ELOVL6: variants seen among roughly 807,000 people sequenced by gnomAD.
ELOVL6 encodes very long chain fatty acid elongase 6.
In ELOVL6, 8 loss-of-function variants were observed where a neutral mutation model predicts 31.7. The observed-to-expected ratio is 0.25, with a 90% CI of 0.15 to 0.45. The LOEUF (loss-of-function observed/expected upper bound fraction) is 0.45. Among genes scored for constraint, ELOVL6 ranks in the 20% least tolerant of loss-of-function variants. The pLI, the probability that ELOVL6 is intolerant of heterozygous loss-of-function variation, is 1.00. For synonymous variants in ELOVL6, 101 were observed against 117.7 expected (o/e 0.86, Z 0.92); for missense variants, 126 against 326.4 (o/e 0.39, Z 4.73).
intron 2 of ELOVL6, among the ~76,000 whole-genome samples, chr4:110,090,692 C>T (rs976386306): frequency 7.0e-6 from 1 of 142,710 alleles, no homozygotes; most frequent in Non-Finnish European, 1.5e-5. Context: ...GAAACCTCCG[C>T]CACCTGGGTT....
At chr4:110,075,432 C>G (rs1172115015) in intron 2 of ELOVL6, among the ~76,000 whole-genome samples, 1 of 152,026 alleles carries the variant, frequency 6.6e-6, no homozygotes, top group Admixed American at 6.6e-5. Flanking sequence ...TATTACTAAG[C>G]CTTGAAAAGA....
chr4:110,181,972 G>A (rs1722062548), intron 1 of ELOVL6, among the ~76,000 whole-genome samples: 1 of 152,194 alleles, frequency 6.6e-6, no homozygotes. Flanking sequence ...CAGTACTACT[G>A]AAGATATTTG....
chr4:110,139,876 C>G (rs183862282), intron 1 of ELOVL6, among the ~76,000 whole-genome samples: 1 of 152,148 alleles, frequency 6.6e-6, no homozygotes, highest in Non-Finnish European at 1.5e-5. Flanking sequence ...GTTTAAGGTG[C>G]GCTTGTCCTA....
chr4:110,112,790 C>T (rs573873543), intron 1 of ELOVL6, among the ~76,000 whole-genome samples: 1 of 152,182 alleles, frequency 6.6e-6, no homozygotes, highest in Non-Finnish European at 1.5e-5. Context: ...AGGAGAATCT[C>T]TTGAACCTGG....
At chr4:110,196,483 G>A (rs569238443) in intron 1 of ELOVL6, among the ~76,000 whole-genome samples, 2 of 152,312 alleles carry the variant, frequency 1.3e-5, no homozygotes, top group South Asian at 4.1e-4. Context: ...ATCCAGAGAA[G>A]GACCCCGGGC....
chr4:110,119,594 A>T (rs1312223063), intron 1 of ELOVL6, among the ~76,000 whole-genome samples: 2 of 152,196 alleles, frequency 1.3e-5, no homozygotes, highest in Non-Finnish European at 2.9e-5. Context: ...CTGGTTTAGG[A>T]GTCCTTTATC....
chr4:110,089,698 TGA>T (rs150416993), intron 2 of ELOVL6, among the ~76,000 whole-genome samples: 15,489 of 152,196 alleles, frequency 0.1, 910 homozygotes, highest in East Asian at 0.18. Context: ...CCTTGCCCAA[TGA>T]GAGCTTATGG....
At chr4:110,189,613 A>AAAAAG (rs1553963363) in intron 1 of ELOVL6, among the ~76,000 whole-genome samples, 3 of 105,264 alleles carry the variant, frequency 2.8e-5, no homozygotes, top group African/African-American at 7.0e-5. Context: ...AAAAAAAAAA[A>AAAAAG]AGAGAGAGAG....
At chr4:110,182,282 A>T (rs1012232286) in intron 1 of ELOVL6, among the ~76,000 whole-genome samples, 1 of 152,186 alleles carries the variant, frequency 6.6e-6, no homozygotes, top group South Asian at 2.1e-4. Flanking sequence ...TTGAAGAAGG[A>T]GAAACAAGTT....
At chr4:110,056,122 T>TG (rs145744279) in intron 3 of ELOVL6, among the ~76,000 whole-genome samples, 18,648 of 122,776 alleles carry the variant, frequency 0.15, 1,735 homozygotes, top group African/African-American at 0.31. Context: ...TTGTGGGAGC[T>TG]GGGGGGGGGG....
chr4:110,126,657 T>C (rs542913719), intron 1 of ELOVL6, among the ~76,000 whole-genome samples: 27 of 152,310 alleles, frequency 1.8e-4, no homozygotes, highest in African/African-American at 5.1e-4. Context: ...TTTCTCAAAA[T>C]GGTTCACTGA....
intron 2 of ELOVL6, among the ~76,000 whole-genome samples, chr4:110,084,215 TA>T: frequency 1.2e-5 from 1 of 81,538 alleles, no homozygotes; most frequent in South Asian, 4.1e-4. Flanking sequence ...ATATAACATA[TA>T]ACTTATATGA....
At chr4:110,121,280 A>G (rs1400355620) in intron 1 of ELOVL6, among the ~76,000 whole-genome samples, 1 of 152,236 alleles carries the variant, frequency 6.6e-6, no homozygotes, top group African/African-American at 2.4e-5. Context: ...ATAAATGTGT[A>G]TCTGGGCAAT....
At chr4:110,110,719 T>C (rs886958904) in intron 1 of ELOVL6, among the ~76,000 whole-genome samples, 5 of 152,122 alleles carry the variant, frequency 3.3e-5, no homozygotes, top group African/African-American at 1.2e-4. Context: ...CGTAAGTAAA[T>C]TAACCATATG....
chr4:110,151,459 C>T (rs963060005), intron 1 of ELOVL6, among the ~76,000 whole-genome samples: 6 of 152,058 alleles, frequency 3.9e-5, no homozygotes, highest in Non-Finnish European at 7.4e-5. Flanking sequence ...CAAAAAGTTT[C>T]GGAGTTGAAG....
At chr4:110,119,083 T>A (rs79825963) in intron 1 of ELOVL6, among the ~76,000 whole-genome samples, 7,580 of 152,096 alleles carry the variant, frequency 0.05, 218 homozygotes, top group Non-Finnish European at 0.06. Flanking sequence ...TTAAAATTAA[T>A]AAAAATTGAG....
chr4:110,143,117 C>A (rs1414820121), intron 1 of ELOVL6, among the ~76,000 whole-genome samples: 1 of 152,164 alleles, frequency 6.6e-6, no homozygotes, highest in African/African-American at 2.4e-5. Context: ...AAACATCAAA[C>A]TCCTGATTCC....
intron 2 of ELOVL6, among the ~76,000 whole-genome samples, chr4:110,082,541 C>G (rs1012374120): frequency 9.2e-5 from 14 of 151,692 alleles, no homozygotes; most frequent in African/African-American, 3.2e-4. Flanking sequence ...GGGAATTGAA[C>G]AATGAGAACA....
At chr4:110,086,038 T>G (rs373212474) in intron 2 of ELOVL6, among the ~76,000 whole-genome samples, 5 of 152,210 alleles carry the variant, frequency 3.3e-5, no homozygotes, top group African/African-American at 4.8e-5. Flanking sequence ...ACATTCCAGA[T>G]GTCTTGATGC....
Sources: gnomAD v4.1 joint callset for allele counts (sites outside exome capture counted in the v4.1 genomes callset) on GRCh38, gnomAD v4.1.1 for gene constraint, MANE v1.5 for transcripts, NCBI Gene and HGNC (gene_info 2026-07-23, HGNC 2026-07-21) for gene names.